The following CARNMT1 variants were observed in gnomAD, a reference collection of about 807,000 sequenced individuals.
CARNMT1 encodes the protein protein-L-histidine N-pros-methyltransferase CARNMT1.
CARNMT1 carries 28 observed loss-of-function variants against 49.6 expected under a neutral mutation model. The observed-to-expected ratio is 0.56, with a 90% CI of 0.42 to 0.77. CARNMT1 has a LOEUF of 0.77. CARNMT1 is among the 30% of genes least tolerant of loss of function. The pLI is 0.00. For synonymous variants in CARNMT1, 178 were observed against 175.0 expected, an observed-to-expected ratio of 1.02 and a Z score of -0.13; for missense variants, 421 against 512.6, an observed-to-expected ratio of 0.82 and a Z score of 1.73.
At chr9:75,009,550 A>G (rs1439558798) in intron 3 of CARNMT1, among the ~76,000 whole-genome samples, 1 of 152,252 alleles carries the variant, frequency 6.6e-6, no homozygotes, top group East Asian at 1.9e-4. Flanking sequence ...TTCAGAAAGC[A>G]GTAATATTCC....
chr9:75,018,661 T>C (rs1053697504), intron 1 of CARNMT1, among the ~76,000 whole-genome samples: 1 of 152,086 alleles, frequency 6.6e-6, no homozygotes, highest in African/African-American at 2.4e-5. Context: ...ATCTTTGTCA[T>C]AGCACTGTTA....
In CARNMT1 at chr9:75,016,432, C is replaced by T. The variant is rs1314388224; in HGVS notation, c.427-1G>A. ...ATGCTGGCATAATCTTTCCATTCCC[C>T]TGTTTAAAAAACAGACATCAATTAG... On this transcript the variant is annotated splice_acceptor_variant, in intron 2 of 7. Coordinates refer to ENST00000376834, the MANE Select transcript of CARNMT1 (RefSeq NM_152420.3). LOFTEE classifies it high-confidence loss of function. 6.2e-7 allele frequency: 1 copy of T among 1,612,390 alleles called. No individual in the cohort carries two copies. The highest frequency in any genetic ancestry group is 2.2e-5 in the East Asian group (1 of 44,854).
At chr9:75,000,000 C>G in intron 3 of CARNMT1, 130 bp from the exon 4 acceptor site, 1 of 693,956 alleles carries the variant, frequency 1.4e-6, no homozygotes, top group Non-Finnish European at 2.3e-6. Flanking sequence ...TTCTCACAAT[C>G]AAGAAATACT....
chr9:75,007,757 A>C (rs914757596), intron 3 of CARNMT1, among the ~76,000 whole-genome samples: 1 of 150,302 alleles, frequency 6.7e-6, no homozygotes, highest in African/African-American at 2.4e-5. Flanking sequence ...AAAAAAAAAA[A>C]ACTAAGAAAA....
In CARNMT1 at chr9:75,016,268, C is replaced by A; in HGVS notation, c.590G>T (p.Trp197Leu). 1 of 1,609,514 alleles carries A rather than the reference C, an allele frequency of 6.2e-7. No homozygotes were observed. Among genetic ancestry groups the A allele is most frequent in the Non-Finnish European group, 8.5e-7 (1 of 1,177,396 alleles). ...TGGTTAAAAATGAGGTACTATTTAC[C>A]ATCTCTCTTTTGGAAAATTTTTTAA... ...EILKNFPKER[W>L]DPSKVNILVP... Residue 197 changes from tryptophan to leucine, a missense_variant and splice_region_variant, in exon 3 of 8, where the codon TGG (tryptophan) becomes TTG (leucine). By Grantham distance (61) the Trp-to-Leu change is moderately conservative. This residue lies in a region of CARNMT1 where 235 missense variants were observed against 344.8 expected (regional missense o/e 0.68). Transcript: ENST00000376834.
In CARNMT1 at chr9:74,992,830, C is replaced by A. The variant is rs184498191; in HGVS notation, c.1024+3617G>T. 6.3e-3 allele frequency among the ~76,000 whole-genome samples: 958 copies of A among 152,236 alleles called. 8 individuals are homozygous for A. The highest frequency in any genetic ancestry group is 0.022 in the African/African-American group (912 of 41,552). On this transcript the variant is annotated intron_variant, in intron 6 of 7. Coordinates refer to ENST00000376834, the MANE Select transcript of CARNMT1 (RefSeq NM_152420.3). ...TCCAGAATGGCTGGCCATTACATTT[C>A]CCATTATATATGAATATATTGATGT...
At chr9:75,019,245 C>T (rs1833934853) in intron 1 of CARNMT1, among the ~76,000 whole-genome samples, 1 of 152,112 alleles carries the variant, frequency 6.6e-6, no homozygotes, top group African/African-American at 2.4e-5. Flanking sequence ...TTTATTAACC[C>T]TATATAATAC....
chr9:75,021,907 C>T (rs1020301581), intron 1 of CARNMT1, among the ~76,000 whole-genome samples: 1 of 151,836 alleles, frequency 6.6e-6, no homozygotes, highest in African/African-American at 2.4e-5. Context: ...CACTGCACTA[C>T]AGGCTGCGTA....
At chr9:75,001,417 A>T (rs1833351463) in intron 3 of CARNMT1, among the ~76,000 whole-genome samples, 1 of 152,168 alleles carries the variant, frequency 6.6e-6, no homozygotes, top group South Asian at 2.1e-4. Flanking sequence ...TCTCCACCTC[A>T]ACCTAATGGC....
chr9:74,993,764 C>T (rs1336394232), intron 6 of CARNMT1, among the ~76,000 whole-genome samples: 1 of 152,090 alleles, frequency 6.6e-6, no homozygotes, highest in Non-Finnish European at 1.5e-5. Flanking sequence ...CTATACAGGT[C>T]AGACCCCCAC....
At chr9:74,989,224 A>G (rs542464252) in intron 6 of CARNMT1, among the ~76,000 whole-genome samples, 6 of 152,024 alleles carry the variant, frequency 3.9e-5, no homozygotes, top group Admixed American at 1.3e-4. Flanking sequence ...TGATCCTCCC[A>G]CCTCAGGTCC....
At chr9:75,027,073 G>T (rs1822552736) in intron 1 of CARNMT1, 1 of 1,304,190 alleles carries the variant, frequency 7.7e-7, no homozygotes, top group Non-Finnish European at 1.0e-6. Flanking sequence ...GGTCATGTCT[G>T]TCTGATTCCA....
chr9:75,016,036 C>T, intron 3 of CARNMT1: 1 of 377,778 alleles, frequency 2.6e-6, no homozygotes, highest in Non-Finnish European at 4.7e-6. Flanking sequence ...TTCGACCTAA[C>T]CTTATTATTT....
intron 3 of CARNMT1, among the ~76,000 whole-genome samples, chr9:75,012,787 G>A (rs1022093349): frequency 1.3e-5 from 2 of 151,750 alleles, no homozygotes; most frequent in African/African-American, 4.8e-5. Flanking sequence ...GCGTCGTGGC[G>A]GGCGTCTGTA....
intron 1 of CARNMT1, among the ~76,000 whole-genome samples, chr9:75,020,989 G>A (rs952269939): frequency 6.6e-6 from 1 of 152,098 alleles, no homozygotes; most frequent in Non-Finnish European, 1.5e-5. Context: ...AATGAACAAT[G>A]ATGATGATCA....
At chr9:74,994,618 G>C (rs1419537518) in intron 6 of CARNMT1, among the ~76,000 whole-genome samples, 1 of 152,082 alleles carries the variant, frequency 6.6e-6, no homozygotes, top group Non-Finnish European at 1.5e-5. Flanking sequence ...GATTAGGTAG[G>C]AGGAATATGG....
intron 1 of CARNMT1, among the ~76,000 whole-genome samples, chr9:75,021,355 CATAT>C (rs1303252631): frequency 2.1e-5 from 3 of 143,454 alleles, no homozygotes; most frequent in Non-Finnish European, 4.5e-5. Flanking sequence ...CTATACATAC[CATAT>C]ATATTATATA....
At chr9:75,018,711 A>G (rs923970527) in intron 1 of CARNMT1, among the ~76,000 whole-genome samples, 2 of 152,134 alleles carry the variant, frequency 1.3e-5, no homozygotes, top group Non-Finnish European at 2.9e-5. Context: ...CATCCCTGTA[A>G]TCCCTTGGCA....
At chr9:75,012,534 G>A (rs932063098) in intron 3 of CARNMT1, among the ~76,000 whole-genome samples, 4 of 151,842 alleles carry the variant, frequency 2.6e-5, no homozygotes, top group African/African-American at 4.8e-5. Context: ...TGATCCATCC[G>A]GCTCAGCCTA....
Sources: gnomAD v4.1 joint callset for allele counts (sites outside exome capture counted in the v4.1 genomes callset) on GRCh38, gnomAD v4.1.1 for gene constraint, gnomAD v4.1.1 regional missense constraint, MANE v1.5 for transcripts, NCBI Gene and HGNC (gene_info 2026-07-23, HGNC 2026-07-21) for gene names.